The following ADSS2 variants were observed in gnomAD, a reference collection of about 807,000 sequenced individuals.
ADSS2 encodes adenylosuccinate synthetase isozyme 2.
In ADSS2, 30 loss-of-function variants were observed where a neutral mutation model predicts 60.0. The ratio of observed to expected loss-of-function variants is 0.50; its 90% CI spans 0.37 to 0.68. ADSS2 has a LOEUF of 0.68. ADSS2 is among the 30% of genes least tolerant of loss of function. ADSS2 has a pLI of 0.00. For missense variants in ADSS2, 373 were observed against 554.8 expected (o/e 0.67, Z 3.29); for synonymous variants, 187 against 193.1 (o/e 0.97, Z 0.26).
At chr1:244,412,421 C>T (rs955121403) in intron 11 of ADSS2, among the ~76,000 whole-genome samples, 1 of 152,142 alleles carries the variant, frequency 6.6e-6, no homozygotes, top group Non-Finnish European at 1.5e-5. Flanking sequence ...AAAATGAGAA[C>T]TAAGAGGCAG....
At chr1:244,423,120 C>A (rs542423992) in intron 6 of ADSS2, among the ~76,000 whole-genome samples, 4 of 152,178 alleles carry the variant, frequency 2.6e-5, no homozygotes, top group African/African-American at 9.6e-5. Context: ...TTTTTTTACT[C>A]AAGTTTAGGC....
chr1:244,421,232 A>G (rs1319871343), intron 7 of ADSS2, among the ~76,000 whole-genome samples: 1 of 152,262 alleles, frequency 6.6e-6, no homozygotes, highest in Non-Finnish European at 1.5e-5. Flanking sequence ...TGTTAGTATT[A>G]CTGCTTAACT....
chr1:244,410,239 G>C (rs1374076206), intron 12 of ADSS2, among the ~76,000 whole-genome samples: 2 of 152,078 alleles, frequency 1.3e-5, no homozygotes, highest in Admixed American at 1.3e-4. Flanking sequence ...ATGCTGGGAG[G>C]GGCAACTAGT....
intron 3 of ADSS2, among the ~76,000 whole-genome samples, chr1:244,434,475 A>G (rs1169135297): frequency 6.6e-6 from 1 of 152,214 alleles, no homozygotes; most frequent in Non-Finnish European, 1.5e-5. Flanking sequence ...AACAATGAAA[A>G]ATTTGTTTTT....
intron 10 of ADSS2, among the ~76,000 whole-genome samples, chr1:244,416,984 T>C (rs1207213561): frequency 6.6e-6 from 1 of 152,240 alleles, no homozygotes; most frequent in Non-Finnish European, 1.5e-5. Context: ...AACTTTATTG[T>C]TATTTACTGG....
intron 9 of ADSS2, among the ~76,000 whole-genome samples, chr1:244,417,976 A>G (rs1351790810): frequency 6.6e-6 from 1 of 152,202 alleles, no homozygotes; most frequent in Non-Finnish European, 1.5e-5. Flanking sequence ...ATTTTTTACA[A>G]TGTTATACAG....
At chr1:244,417,484 C>A in intron 10 of ADSS2, 144 bp downstream of exon 10, 1 of 955,720 alleles carries the variant, frequency 1.0e-6, no homozygotes, top group Non-Finnish European at 1.5e-6. Context: ...CCCCCTATAT[C>A]TTGGTCTACT....
chr1:244,410,753 G>T (rs1442408793), intron 12 of ADSS2, among the ~76,000 whole-genome samples: 1 of 152,054 alleles, frequency 6.6e-6, no homozygotes, highest in South Asian at 2.1e-4. Flanking sequence ...TAAAGACAGG[G>T]TCAGAAAGGG....
intron 1 of ADSS2, among the ~76,000 whole-genome samples, chr1:244,441,180 C>T (rs1312679648): frequency 6.6e-6 from 1 of 151,938 alleles, no homozygotes; most frequent in Non-Finnish European, 1.5e-5. Flanking sequence ...TGCCTCAGTC[C>T]CCCAAGTAGC....
chr1:244,431,994 G>GT (rs1463660473), intron 4 of ADSS2, among the ~76,000 whole-genome samples: 1 of 152,122 alleles, frequency 6.6e-6, no homozygotes, highest in African/African-American at 2.4e-5. Flanking sequence ...TTCCTACGTG[G>GT]TTTTTACTTA....
intron 3 of ADSS2, among the ~76,000 whole-genome samples, chr1:244,434,879 C>T (rs1295233186): frequency 6.6e-6 from 1 of 151,914 alleles, no homozygotes; most frequent in African/African-American, 2.4e-5. Context: ...ACTTTTAAAC[C>T]TGAACAGGGC....
At chr1:244,441,978 A>T (rs1007108830) in intron 1 of ADSS2, among the ~76,000 whole-genome samples, 3 of 152,162 alleles carry the variant, frequency 2.0e-5, no homozygotes, top group Non-Finnish European at 2.9e-5. Flanking sequence ...AAAAAGTTTT[A>T]AAAAATTCAT....
chr1:244,440,043 G>A (rs1229480071), intron 1 of ADSS2, among the ~76,000 whole-genome samples: 2 of 152,216 alleles, frequency 1.3e-5, no homozygotes, highest in African/African-American at 4.8e-5. Context: ...GGTGGTATCA[G>A]CAATTCAAGA....
intron 1 of ADSS2, among the ~76,000 whole-genome samples, chr1:244,444,797 A>G (rs1333940440): frequency 2.0e-5 from 3 of 152,182 alleles, no homozygotes; most frequent in Admixed American, 1.3e-4. Flanking sequence ...CCAGAAAAGC[A>G]CTACAGGTCA....
chr1:244,431,203 G>C (rs1572139244), intron 4 of ADSS2, among the ~76,000 whole-genome samples: 1 of 152,078 alleles, frequency 6.6e-6, no homozygotes, highest in Non-Finnish European at 1.5e-5. Context: ...CAAGTTCTAA[G>C]ATAAGCTAAC....
intron 12 of ADSS2, 42 bp from the exon 13 acceptor site, chr1:244,409,680 T>C (rs766257498): frequency 6.8e-7 from 1 of 1,480,542 alleles, no homozygotes; most frequent in South Asian, 1.2e-5. Context: ...TCAATTCATC[T>C]CTAATGTTCA....
chr1:244,424,075 C>G lies in ADSS2; in HGVS notation c.474-15G>C, dbSNP rs551192941. 253 of 1,600,106 alleles carry G rather than the reference C, an allele frequency of 1.6e-4. 7 individuals are homozygous for G. In the South Asian group the frequency reaches 2.8e-3, roughly 17 times the overall value. On this transcript the variant is annotated splice_polypyrimidine_tract_variant and intron_variant, in intron 5 of 12. Coordinates refer to ENST00000366535, the MANE Select transcript of ADSS2 (RefSeq NM_001126.5). Reference sequence around the variant, plus strand: ...TTGTACCCAAACTTAAAAACAAATCCAAACAAGCTTTAAGTCAGACAAGAA... The same window carrying G: ...TTGTACCCAAACTTAAAAACAAATCGAAACAAGCTTTAAGTCAGACAAGAA...
intron 1 of ADSS2, among the ~76,000 whole-genome samples, chr1:244,448,919 C>A (rs1411633380): frequency 6.6e-6 from 1 of 152,146 alleles, no homozygotes; most frequent in Non-Finnish European, 1.5e-5. Context: ...GCTAAGTGAT[C>A]CCCTGCAGAT....
At chr1:244,450,627 A>G (rs773578440) in intron 1 of ADSS2, among the ~76,000 whole-genome samples, 2 of 152,208 alleles carry the variant, frequency 1.3e-5, no homozygotes, top group Non-Finnish European at 1.5e-5. Context: ...GTTAACTTCA[A>G]ATATTACATT....
Sources: allele counts gnomAD v4.1 joint callset (sites outside exome capture counted in the v4.1 genomes callset), GRCh38; gene constraint gnomAD v4.1.1; transcripts MANE v1.5; gene names NCBI Gene and HGNC (gene_info 2026-07-23, HGNC 2026-07-21).